The following CDH11 variants were observed in gnomAD, a reference collection of about 807,000 sequenced individuals.
CDH11 encodes the protein cadherin-11.
In CDH11, 11 loss-of-function variants were observed where a neutral mutation model predicts 67.8. That is an observed-to-expected ratio of 0.16 (90% CI 0.10 to 0.27). The LOEUF (loss-of-function observed/expected upper bound fraction) is 0.27, where lower values mean the gene tolerates loss of function less well. Among genes scored for constraint, CDH11 ranks in the 10% least tolerant of loss-of-function variants. The pLI is 1.00. For synonymous variants in CDH11, 419 were observed against 400.0 expected (o/e 1.05, Z -0.57); for missense variants, 847 against 1,031.2 (o/e 0.82, Z 2.45).
intron 8 of CDH11, among the ~76,000 whole-genome samples, chr16:64,980,252 GA>G (rs948601552): frequency 1.0e-4 from 15 of 147,480 alleles, no homozygotes; most frequent in South Asian, 2.1e-4. Context: ...TTTCACAACA[GA>G]AAAAAAAAAG....
chr16:65,120,938 C>T (rs772819146), intron 1 of CDH11, among the ~76,000 whole-genome samples: 8 of 152,174 alleles, frequency 5.3e-5, no homozygotes, highest in Non-Finnish European at 5.9e-5. Flanking sequence ...CTCTCCTCGC[C>T]GTCCTCCCCA....
chr16:64,954,952 A>T (rs7499148), intron 11 of CDH11, among the ~76,000 whole-genome samples: 1,492 of 86,214 alleles, frequency 0.017, 21 homozygotes, highest in African/African-American at 0.04. Context: ...AAAAAATAAA[A>T]AAAAAAAAAA....
chr16:65,033,511 C>A (rs558278390), intron 2 of CDH11, among the ~76,000 whole-genome samples: 1 of 151,878 alleles, frequency 6.6e-6, no homozygotes, highest in African/African-American at 2.4e-5. Context: ...GAGGCTGAGA[C>A]GGGTGGATCA....
chr16:64,990,208 C>A (rs1286521859), intron 6 of CDH11, among the ~76,000 whole-genome samples: 2 of 152,162 alleles, frequency 1.3e-5, no homozygotes, highest in African/African-American at 4.8e-5. Context: ...TTCTGCTTGA[C>A]CTTTCTTTTC....
At chr16:65,042,153 G>A (rs1175768065) in intron 2 of CDH11, among the ~76,000 whole-genome samples, 1 of 152,188 alleles carries the variant, frequency 6.6e-6, no homozygotes, top group Admixed American at 6.5e-5. Flanking sequence ...TATGGATGGC[G>A]CTGCCCTTGA....
intron 1 of CDH11, among the ~76,000 whole-genome samples, chr16:65,114,215 C>A (rs1161952940): frequency 6.6e-6 from 1 of 152,148 alleles, no homozygotes; most frequent in Non-Finnish European, 1.5e-5. Context: ...AAACAAAAAA[C>A]CTACTGATAA....
chr16:64,954,159 TC>T (rs2071439196), intron 11 of CDH11, among the ~76,000 whole-genome samples: 1 of 152,178 alleles, frequency 6.6e-6, no homozygotes, highest in Non-Finnish European at 1.5e-5. Context: ...AACAAGTGAG[TC>T]CTCTCCGACA....
chr16:65,115,393 A>G (rs1210990494), intron 1 of CDH11, among the ~76,000 whole-genome samples: 1 of 152,162 alleles, frequency 6.6e-6, no homozygotes, highest in African/African-American at 2.4e-5. Flanking sequence ...CAAATGTTCA[A>G]TGCAAGATTT....
intron 2 of CDH11, among the ~76,000 whole-genome samples, chr16:65,029,652 C>T (rs1434079046): frequency 6.6e-6 from 1 of 152,180 alleles, no homozygotes; most frequent in Non-Finnish European, 1.5e-5. Context: ...AATGAGCATG[C>T]AGAACTGAAA....
intron 3 of CDH11, among the ~76,000 whole-genome samples, chr16:65,001,419 A>G (rs1349918670): frequency 6.6e-6 from 1 of 152,168 alleles, no homozygotes; most frequent in Non-Finnish European, 1.5e-5. Flanking sequence ...CCACACCGCC[A>G]TCTTAGGGGA....
In CDH11 at chr16:64,946,081, T is replaced by C; in HGVS notation, c.*1522A>G. 3 of 1,058,208 alleles carry C rather than the reference T, an allele frequency of 2.8e-6. No homozygotes were observed. Among genetic ancestry groups the C allele is most frequent in the Non-Finnish European group, 3.4e-6 (3 of 874,866 alleles). 65.6% of individuals were successfully genotyped at this position (1,058,208 alleles called of 1,614,324 possible). ...CACTCCTGGACCAAATGGCATCGAC[T>C]CTCAGAATCCAAAATGGTCCCTGCC... On this transcript the variant is annotated 3_prime_UTR_variant, in exon 13 of 13. Transcript: ENST00000268603.
At chr16:65,040,706 T>TA (rs1253841996) in intron 2 of CDH11, among the ~76,000 whole-genome samples, 1 of 152,270 alleles carries the variant, frequency 6.6e-6, no homozygotes, top group East Asian at 1.9e-4. Context: ...TAAAGTATAA[T>TA]AAAAAAATTA....
intron 2 of CDH11, among the ~76,000 whole-genome samples, chr16:65,033,298 A>T (rs2073683703): frequency 6.6e-6 from 1 of 151,792 alleles, no homozygotes; most frequent in South Asian, 2.1e-4. Context: ...ATCACAAGCC[A>T]GTTTGCAAAT....
At chr16:64,993,906 C>T (rs2072698112) in intron 4 of CDH11, among the ~76,000 whole-genome samples, 4 of 152,130 alleles carry the variant, frequency 2.6e-5, no homozygotes, top group Admixed American at 2.6e-4. Context: ...GCCAGCATTC[C>T]TCTGCTGGGC....
At chr16:65,013,695 C>T (rs917508192) in intron 2 of CDH11, among the ~76,000 whole-genome samples, 38 of 152,004 alleles carry the variant, frequency 2.5e-4, no homozygotes, top group African/African-American at 7.7e-4. Context: ...GGCATGGTGG[C>T]GTGTGCCTGT....
rs1049475803 is a variant in CDH11 at position 65,004,959 on chromosome 16, C to T, written c.-90G>A. On this transcript the variant is annotated 5_prime_UTR_variant, in exon 3 of 13. Coordinates refer to ENST00000268603, the MANE Select transcript of CDH11 (RefSeq NM_001797.4). ...CTTGCTGAGGGTGGCCTCCCGGACG[C>T]GTCACGCAGACCTCTCTTGGGATGG... The T allele has an allele frequency of 8.4e-6, 12 of 1,436,210 alleles. No individual in the cohort carries two copies. In the South Asian group the frequency reaches 1.2e-4, roughly 14 times the overall value. The allele number at this position is 1,436,210 out of a possible 1,614,324, so 89.0% of individuals were successfully genotyped here. A position where few individuals can be genotyped will look rare whatever the true frequency, so the allele number is the denominator to read the frequency against.
At chr16:65,049,411 C>T (rs2074018367) in intron 2 of CDH11, among the ~76,000 whole-genome samples, 9 of 152,046 alleles carry the variant, frequency 5.9e-5, no homozygotes, top group Admixed American at 5.9e-4. Context: ...TGGTCCTCAG[C>T]AAGTTCTTTA....
At chr16:65,070,292 T>G (rs1017811771) in intron 1 of CDH11, among the ~76,000 whole-genome samples, 23 of 152,180 alleles carry the variant, frequency 1.5e-4, no homozygotes, top group African/African-American at 5.5e-4. Flanking sequence ...ACACTCCTCA[T>G]GTCCACAAAA....
At chr16:65,073,020 C>G (rs568882135) in intron 1 of CDH11, among the ~76,000 whole-genome samples, 37 of 152,292 alleles carry the variant, frequency 2.4e-4, no homozygotes, top group African/African-American at 8.9e-4. Context: ...TCTATGTTGG[C>G]CATTTGAACT....
Sources: allele counts gnomAD v4.1 joint callset (sites outside exome capture counted in the v4.1 genomes callset), GRCh38; gene constraint gnomAD v4.1.1; transcripts MANE v1.5; gene names NCBI Gene and HGNC (gene_info 2026-07-23, HGNC 2026-07-21).